GLIS3: variants seen among roughly 807,000 people sequenced by gnomAD.
The protein encoded by GLIS3 is GLIS family zinc finger 3.
A neutral mutation model predicts 78.6 loss-of-function variants in GLIS3; 53 were observed. That is an observed-to-expected ratio of 0.67 (90% CI 0.54 to 0.85). The LOEUF (loss-of-function observed/expected upper bound fraction) is 0.85, where lower values mean the gene tolerates loss of function less well. GLIS3 is among the 40% of genes least tolerant of loss of function. The pLI is 0.00. For missense variants in GLIS3, 1,703 were observed against 1,231.1 expected, an observed-to-expected ratio of 1.38 and a Z score of -5.74; for synonymous variants, 684 against 509.9, an observed-to-expected ratio of 1.34 and a Z score of -4.60.
At chr9:4,336,328 C>A (rs542063915) in intron 2 of GLIS3, among the ~76,000 whole-genome samples, 1 of 152,306 alleles carries the variant, frequency 6.6e-6, no homozygotes, top group South Asian at 2.1e-4. Flanking sequence ...ATCCACTAAG[C>A]CCCTGGTGCT....
intron 2 of GLIS3, among the ~76,000 whole-genome samples, chr9:4,211,111 A>G (rs1820335892): frequency 6.6e-6 from 1 of 151,928 alleles, no homozygotes; most frequent in African/African-American, 2.4e-5. Flanking sequence ...CACCATCCAC[A>G]CTCCACCAGC....
chr9:4,462,074 C>G, the GLIS3 span, among the ~76,000 whole-genome samples: 1 of 152,152 alleles, frequency 6.6e-6, no homozygotes, highest in Non-Finnish European at 1.5e-5. Context: ...GTCTGTGTTA[C>G]AGAACAATAA....
At chr9:4,386,204 A>T in the GLIS3 span, among the ~76,000 whole-genome samples, 1 of 152,140 alleles carries the variant, frequency 6.6e-6, no homozygotes, top group Non-Finnish European at 1.5e-5. Context: ...TAATCACCCT[A>T]CTCAGAAGGA....
chr9:4,056,626 AG>A (rs907727714), intron 4 of GLIS3, among the ~76,000 whole-genome samples: 1 of 152,176 alleles, frequency 6.6e-6, no homozygotes, highest in Non-Finnish European at 1.5e-5. Flanking sequence ...AACAGAGATG[AG>A]GTGAGAGACG....
At chr9:3,947,925 A>G (rs993468689) in intron 4 of GLIS3, among the ~76,000 whole-genome samples, 3 of 152,354 alleles carry the variant, frequency 2.0e-5, no homozygotes, top group Middle Eastern at 3.4e-3. Context: ...CTTAAATATA[A>G]ATCCTGTACT....
At chr9:4,042,459 T>C (rs541427812) in intron 4 of GLIS3, among the ~76,000 whole-genome samples, 1 of 152,262 alleles carries the variant, frequency 6.6e-6, no homozygotes, top group African/African-American at 2.4e-5. Context: ...AATCATCTGT[T>C]CCAAAGAGGC....
chr9:4,448,984 C>A, the GLIS3 span, among the ~76,000 whole-genome samples: 1 of 152,104 alleles, frequency 6.6e-6, no homozygotes, highest in South Asian at 2.1e-4. Flanking sequence ...GTGGGTGCAG[C>A]CTATGGAGGG....
intron 2 of GLIS3, among the ~76,000 whole-genome samples, chr9:4,142,645 A>G (rs1208539744): frequency 3.9e-5 from 6 of 152,230 alleles, no homozygotes; most frequent in African/African-American, 7.2e-5. Context: ...CCAGTTTGAA[A>G]TAAAATATTA....
chr9:3,846,173 C>T (rs1819027073), intron 9 of GLIS3, among the ~76,000 whole-genome samples: 1 of 152,172 alleles, frequency 6.6e-6, no homozygotes, highest in Non-Finnish European at 1.5e-5. Context: ...AGAATGTTAA[C>T]CCTATAAGGA....
intron 2 of GLIS3, among the ~76,000 whole-genome samples, chr9:4,163,282 ACACATAC>A (rs1317989737): frequency 6.6e-6 from 1 of 152,114 alleles, no homozygotes; most frequent in Non-Finnish European, 1.5e-5. Flanking sequence ...GCACGCGCGC[ACACATAC>A]CATTTCTCAA....
At chr9:4,429,175 C>G in the GLIS3 span, among the ~76,000 whole-genome samples, 1 of 152,098 alleles carries the variant, frequency 6.6e-6, no homozygotes, top group Non-Finnish European at 1.5e-5. Flanking sequence ...ATAGAGTTAC[C>G]TTTTCATGAA....
the GLIS3 span, among the ~76,000 whole-genome samples, chr9:4,386,993 C>T: frequency 1.3e-5 from 2 of 152,182 alleles, no homozygotes; most frequent in East Asian, 3.9e-4. Flanking sequence ...GGCAGGGTAG[C>T]TCCTTAAATG....
the GLIS3 span, among the ~76,000 whole-genome samples, chr9:4,437,458 ATC>A: frequency 3.8e-3 from 584 of 151,738 alleles, 4 homozygotes; most frequent in Middle Eastern, 6.8e-3. Context: ...CTATCTATCT[ATC>A]TATCTATCTA....
At chr9:4,104,391 T>G (rs1830601106) in intron 4 of GLIS3, among the ~76,000 whole-genome samples, 2 of 152,110 alleles carry the variant, frequency 1.3e-5, no homozygotes, top group Non-Finnish European at 2.9e-5. Flanking sequence ...ATAGCCAGAA[T>G]CCAACCAGCT....
chr9:4,091,806 C>A (rs1222645551), intron 4 of GLIS3, among the ~76,000 whole-genome samples: 1 of 152,136 alleles, frequency 6.6e-6, no homozygotes. Context: ...CAGTCTCGGG[C>A]AGTTCTTTAT....
chr9:4,339,249 G>A (rs1158515857), intron 2 of GLIS3, among the ~76,000 whole-genome samples: 2 of 152,210 alleles, frequency 1.3e-5, no homozygotes, highest in East Asian at 3.8e-4. Context: ...TCACTGAAGT[G>A]AATTGATCTG....
intron 4 of GLIS3, among the ~76,000 whole-genome samples, chr9:4,032,451 T>C (rs2130277629): frequency 6.6e-6 from 1 of 151,994 alleles, no homozygotes; most frequent in South Asian, 2.1e-4. Flanking sequence ...TTTTTCAAAA[T>C]TTTATATTTT....
intron 4 of GLIS3, among the ~76,000 whole-genome samples, chr9:3,980,095 TC>T (rs1819130053): frequency 6.6e-6 from 1 of 152,148 alleles, no homozygotes; most frequent in Admixed American, 6.5e-5. Flanking sequence ...GAGACCAGTT[TC>T]TTTGAGCAGT....
intron 2 of GLIS3, among the ~76,000 whole-genome samples, chr9:4,237,005 C>A (rs984900824): frequency 2.0e-5 from 3 of 151,982 alleles, no homozygotes; most frequent in African/African-American, 7.2e-5. Context: ...CACTCTGTAG[C>A]TTCATTAGGC....
Sources: gnomAD v4.1 joint callset for allele counts (sites outside exome capture counted in the v4.1 genomes callset) on GRCh38, gnomAD v4.1.1 for gene constraint, MANE v1.5 for transcripts, NCBI Gene and HGNC (gene_info 2026-07-23, HGNC 2026-07-21) for gene names.